The following LHX4 variants were observed in gnomAD, a reference collection of about 807,000 sequenced individuals.
The protein encoded by LHX4 is LIM homeobox 4, also known as LIM/homeobox protein Lhx4.
In LHX4, 16 loss-of-function variants were observed where a neutral mutation model predicts 39.2. The observed-to-expected ratio is 0.41, with a 90% confidence interval of 0.28 to 0.62. The LOEUF (loss-of-function observed/expected upper bound fraction) is 0.62, where lower values mean the gene tolerates loss of function less well. Among genes scored for constraint, LHX4 ranks in the 20% least tolerant of loss-of-function variants. LHX4 has a pLI of 0.33. For synonymous variants in LHX4, 206 were observed against 198.1 expected, an observed-to-expected ratio of 1.04 and a Z score of -0.33; for missense variants, 439 against 511.9, an observed-to-expected ratio of 0.86 and a Z score of 1.37.
upstream of LHX4, among the ~76,000 whole-genome samples, chr1:180,229,672 C>G (rs1039011407): frequency 6.6e-6 from 1 of 151,520 alleles, no homozygotes; most frequent in African/African-American, 2.4e-5. Context: ...CTCCGTCCGG[C>G]GGAGCGAAGC....
intron 3 of LHX4, among the ~76,000 whole-genome samples, chr1:180,268,036 C>A (rs948020909): frequency 6.6e-6 from 1 of 152,174 alleles, no homozygotes; most frequent in Admixed American, 6.5e-5. Flanking sequence ...CCTCCAGAGA[C>A]CTGGGGCCTC....
intron 1 of LHX4, among the ~76,000 whole-genome samples, chr1:180,237,704 C>T (rs1664358517): frequency 6.6e-6 from 1 of 152,176 alleles, no homozygotes; most frequent in Non-Finnish European, 1.5e-5. Context: ...CAGTACCTCA[C>T]CCCCACATGT....
intron 2 of LHX4, among the ~76,000 whole-genome samples, chr1:180,256,529 T>C (rs99174): frequency 0.56 from 85,085 of 152,020 alleles, 24,436 homozygotes; most frequent in African/African-American, 0.69. Context: ...GTGTCTGCCA[T>C]GCGCCGTCTG....
chr1:180,273,794 T>C (rs1210726043), intron 5 of LHX4: 4 of 252,214 alleles, frequency 1.6e-5, no homozygotes, highest in African/African-American at 9.0e-5. Flanking sequence ...TTTCTCAGCT[T>C]GAAAGCTTTC....
chr1:180,254,168 C>T (rs1647748878), intron 2 of LHX4, among the ~76,000 whole-genome samples: 1 of 152,184 alleles, frequency 6.6e-6, no homozygotes, highest in African/African-American at 2.4e-5. Context: ...CGTGGAGTGA[C>T]TCTCGGGTGT....
intron 1 of LHX4, among the ~76,000 whole-genome samples, chr1:180,246,636 A>G (rs1647393058): frequency 6.6e-6 from 1 of 152,234 alleles, no homozygotes; most frequent in African/African-American, 2.4e-5. Flanking sequence ...ACTTGAACCC[A>G]GGAGGTGAAG....
At position 180,242,282 on chromosome 1, in the gene LHX4, TGTGA is replaced by T. The variant is rs576638334; in HGVS notation, c.77-6000_77-5997del. 1.0e-3 allele frequency among the ~76,000 whole-genome samples: 159 copies of T among 151,932 alleles called. 1 individual carries two copies. Among genetic ancestry groups the T allele is most frequent in the Admixed American group, 8.2e-3 (125 of 15,252 alleles). ...ATGTGTTTGTGTGTGTGTGTGTACATGTGAGTATGTGTCTTTGAGTATATGTGAA... is the reference window on the plus strand; with the variant it reads ...ATGTGTTTGTGTGTGTGTGTGTACATGTATGTGTCTTTGAGTATATGTGAA... On this transcript the variant is annotated intron_variant, in intron 1 of 5. Coordinates refer to ENST00000263726, the MANE Select transcript of LHX4 (RefSeq NM_033343.4).
At position 180,230,597 on chromosome 1, in the gene LHX4, C is replaced by A. The variant is rs759928429; in HGVS notation, c.68C>A (p.Pro23Gln). 1.9e-6 allele frequency: 3 copies of A among 1,613,314 alleles called. No individual in the cohort carries two copies. Among genetic ancestry groups the A allele is most frequent in the Non-Finnish European group, 2.5e-6 (3 of 1,179,496 alleles). ...VKGLPEMLGVPMQQIPQCAGC... is the reference protein window; with the variant it reads ...VKGLPEMLGVQMQQIPQCAGC... ...GGGCTCCCGGAGATGCTAGGTGTGC[C>A]GATGCAACGTAAGACACCCCCCTTT... is the stretch of plus-strand genomic sequence containing the variant. Residue 23 changes from proline to glutamine, a missense_variant, in exon 1 of 6, where the codon CCG becomes CAG. Transcript: ENST00000263726. This position sits in a 1 kb window ranked among gnomAD's most constrained non-coding sequence, Gnocchi z 5.8.
intron 5 of LHX4, chr1:180,272,777 CTT>C (rs1190291251): frequency 1.3e-5 from 2 of 152,266 alleles, no homozygotes; most frequent in African/African-American, 4.8e-5. Flanking sequence ...ATTCACTTCT[CTT>C]GAGCCCCAGT....
At chr1:180,248,204 G>A (rs934788029) in intron 1 of LHX4, 81 bp from the exon 2 acceptor site, 1 of 1,416,684 alleles carries the variant, frequency 7.1e-7, no homozygotes, top group African/African-American at 1.4e-5. Flanking sequence ...CAGCAGAGTG[G>A]GAAGGCACCC....
Position 180,271,915 on chromosome 1 carries a change from G to C in LHX4, c.687G>C (p.Lys229Asn). 1 of 1,613,650 alleles carries C rather than the reference G, an allele frequency of 6.2e-7. No homozygotes were observed. Among genetic ancestry groups the C allele is most frequent in the Non-Finnish European group, 8.5e-7 (1 of 1,179,968 alleles). ...AGRHRWGQFY[K>N]SVKRSRGSSK... ...GGCACCGCTGGGGGCAGTTCTATAA[G>C]AGCGTCAAGAGGAGCCGGGGCAGCA... The change falls in exon 5 of 6, where the codon AAG (lysine) becomes AAC (asparagine). Residue 229 changes from lysine to asparagine, a missense_variant. Physicochemically the swap from Lys to Asn is moderately conservative, Grantham distance 94. Transcript: ENST00000263726.
chr1:180,253,482 G>A (rs1647716468), intron 2 of LHX4, among the ~76,000 whole-genome samples: 2 of 152,252 alleles, frequency 1.3e-5, no homozygotes, highest in Non-Finnish European at 2.9e-5. Flanking sequence ...GCCTGTCTAA[G>A]AGCCCTGGCA....
At chr1:180,248,236 C>T in intron 1 of LHX4, 49 bp from the exon 2 acceptor site, 1 of 1,599,232 alleles carries the variant, frequency 6.3e-7, no homozygotes, top group Non-Finnish European at 8.5e-7. Flanking sequence ...GCCTGGTTAG[C>T]AGGGCTGTGT....
chr1:180,270,306 CAG>C (rs994302310), intron 3 of LHX4: 1 of 152,396 alleles, frequency 6.6e-6, no homozygotes, highest in South Asian at 2.1e-4. Context: ...GGAGAAAAGA[CAG>C]AGAGGAAGTC....
chr1:180,239,546 A>C (rs138707237), intron 1 of LHX4, among the ~76,000 whole-genome samples: 12 of 152,378 alleles, frequency 7.9e-5, no homozygotes, highest in African/African-American at 1.9e-4. Context: ...GAGCTCAAAA[A>C]ACTGCTTACT....
At chr1:180,258,124 C>T (rs1647946411) in intron 2 of LHX4, among the ~76,000 whole-genome samples, 1 of 152,184 alleles carries the variant, frequency 6.6e-6, no homozygotes, top group Non-Finnish European at 1.5e-5. Context: ...GCAGAACTTG[C>T]CTTCTAGAGA....
intron 3 of LHX4, among the ~76,000 whole-genome samples, chr1:180,267,977 C>T (rs748306063): frequency 4.6e-5 from 7 of 152,074 alleles, no homozygotes. Context: ...CCTCCCACCA[C>T]CCCCACAGCT....
chr1:180,255,336 A>G (rs1342898484), intron 2 of LHX4, among the ~76,000 whole-genome samples: 4 of 152,120 alleles, frequency 2.6e-5, no homozygotes, highest in Non-Finnish European at 5.9e-5. Context: ...ACACACACAC[A>G]TGCACACATG....
chr1:180,242,295 C>CT (rs1314155191), intron 1 of LHX4, among the ~76,000 whole-genome samples: 2 of 151,760 alleles, frequency 1.3e-5, no homozygotes, highest in Non-Finnish European at 2.9e-5. Context: ...GAGTATGTGT[C>CT]TTTGAGTATA....
Sources: gnomAD v4.1 joint callset for allele counts (sites outside exome capture counted in the v4.1 genomes callset) on GRCh38, gnomAD v4.1.1 for gene constraint, Gnocchi (gnomAD v3.1) non-coding constraint, MANE v1.5 for transcripts, NCBI Gene and HGNC (gene_info 2026-07-23, HGNC 2026-07-21) for gene names.